The following GOLGA2 variants were observed in gnomAD, a reference collection of about 807,000 sequenced individuals.
GOLGA2 encodes golgin subfamily A member 2.
Under a neutral mutation model 148.8 loss-of-function variants are expected in GOLGA2, and 49 were observed. That is an observed-to-expected ratio of 0.33 (90% CI 0.26 to 0.42). The LOEUF (loss-of-function observed/expected upper bound fraction) is 0.42. GOLGA2 is among the 10% of genes least tolerant of loss of function. The pLI, the probability that GOLGA2 is intolerant of heterozygous loss-of-function variation, is 1.00. For synonymous variants in GOLGA2, 501 were observed against 511.8 expected (o/e 0.98, Z 0.28); for missense variants, 1,178 against 1,304.6 (o/e 0.90, Z 1.49).
intron 3 of GOLGA2, among the ~76,000 whole-genome samples, chr9:128,269,557 G>A (rs1830807442): frequency 6.6e-6 from 1 of 152,134 alleles, no homozygotes; most frequent in African/African-American, 2.4e-5. Flanking sequence ...GCCCCCAACT[G>A]GACCTACCTG....
At chr9:128,264,513 C>T (rs1374296395) in intron 12 of GOLGA2, among the ~76,000 whole-genome samples, 2 of 152,038 alleles carry the variant, frequency 1.3e-5, no homozygotes, top group Admixed American at 6.6e-5. Flanking sequence ...CCGCAACTTC[C>T]GCCCCCGGGT....
rs187213293 is a variant in GOLGA2, at chr9:128,260,498, C to T, written c.1725G>A (p.Gln575=). The T allele has an allele frequency of 6.2e-7, 1 of 1,612,618 alleles. No individual in the cohort carries two copies. The highest frequency in any genetic ancestry group is 8.5e-7 in the Non-Finnish European group (1 of 1,179,198). Reference sequence around the variant, plus strand: ...CAAATCCGCTCTGCAGCTCAGCCAGCTGCTCCTTGAGCTCCCGGTTCTGGG... The same window carrying T: ...CAAATCCGCTCTGCAGCTCAGCCAGTTGCTCCTTGAGCTCCCGGTTCTGGG... The part of the protein sequence containing the change: ...ALSQNRELKE[Q]LAELQSGFVK... The change falls in exon 18 of 27, where the codon CAG becomes CAA. Residue 575 remains glutamine, a synonymous_variant. Coordinates refer to ENST00000611957, the MANE Select transcript of GOLGA2 (RefSeq NM_001366244.2). The surrounding 1 kb of genome is among the most constrained non-coding windows in gnomAD (Gnocchi z 4.8).
Position 128,258,336 on chromosome 9 carries a change from C to A in GOLGA2, c.2289+119G>T, listed in dbSNP as rs1369691226. 8.6e-7 allele frequency: 1 copy of A among 1,164,160 alleles called. No homozygotes were observed. Among genetic ancestry groups the A allele is most frequent in the Non-Finnish European group, 1.3e-6 (1 of 792,238 alleles). 72.1% of individuals were successfully genotyped at this position (1,164,160 alleles called of 1,614,324 possible). A position where few individuals can be genotyped will look rare whatever the true frequency, so the allele number is the denominator to read the frequency against. ...GTGAAATGGTGTCTCACCACTGGCT[C>A]CCAGGAAAGGGGTGAGGGTCCGAAG... On this transcript the variant is annotated intron_variant, in intron 22 of 26. Coordinates refer to ENST00000611957, the MANE Select transcript of GOLGA2 (RefSeq NM_001366244.2). This position sits in a 1 kb window ranked among gnomAD's most constrained non-coding sequence, Gnocchi z 6.6.
In GOLGA2 at chr9:128,268,500, G is replaced by C. The variant is rs151135956; in HGVS notation, c.313C>G (p.Leu105Val). The change falls in exon 4 of 27, where the codon CTA becomes GTA. Residue 105 changes from leucine to valine, a missense_variant. Around this residue, in one of 5 missense-constraint regions of GOLGA2, gnomAD observed 158 missense variants for 156.6 expected, o/e 1.01. Coordinates refer to ENST00000611957, the MANE Select transcript of GOLGA2 (RefSeq NM_001366244.2). ...WKTPKDNAAT[L>V]QPSDDTVLPG... ...AACACGGTGTCATCAGATGGTTGTAGAGTAGCAGCATTGTCCTTGGGTGTC... is the reference window on the plus strand; with the variant it reads ...AACACGGTGTCATCAGATGGTTGTACAGTAGCAGCATTGTCCTTGGGTGTC... 169 of 1,610,116 alleles carry C rather than the reference G, an allele frequency of 1.0e-4. 1 individual carries two copies. The South Asian group carries it at 1.7e-3, about 16-fold the overall frequency.
intron 6 of GOLGA2, 98 bp from the exon 7 acceptor site, chr9:128,267,615 T>A: frequency 1.1e-6 from 1 of 920,604 alleles, no homozygotes; most frequent in Non-Finnish European, 1.8e-6. Context: ...CATTTTCTTT[T>A]CTAACTTGGA....
intron 7 of GOLGA2, 47 bp downstream of exon 7, chr9:128,267,411 G>T (rs1830657902): frequency 1.9e-6 from 3 of 1,549,380 alleles, no homozygotes; most frequent in Middle Eastern, 1.8e-4. Context: ...GAGGAGGTTG[G>T]AGGGCTGGCC....
rs1830627572 is a variant in GOLGA2, at chr9:128,266,957, G to A, written c.642+237C>T. 5 of 594,638 alleles carry A rather than the reference G, an allele frequency of 8.4e-6. No homozygotes were observed. Among genetic ancestry groups the A allele is most frequent in the Non-Finnish European group, 1.5e-5 (5 of 330,888 alleles). The allele number at this position is 594,638 out of a possible 1,614,324, so 36.8% of individuals were successfully genotyped here. A position where few individuals can be genotyped will look rare whatever the true frequency, so the allele number is the denominator to read the frequency against. On this transcript the variant is annotated intron_variant, in intron 8 of 26. Coordinates refer to ENST00000611957, the MANE Select transcript of GOLGA2 (RefSeq NM_001366244.2). This position sits in a 1 kb window ranked among gnomAD's most constrained non-coding sequence, Gnocchi z 4.2. Reference sequence around the variant, plus strand: ...AAGAGGCAACAACCCCAGGGCGTGTGTGGCAAGGACTCGAGCAGGGGTGTC... The same window carrying A: ...AAGAGGCAACAACCCCAGGGCGTGTATGGCAAGGACTCGAGCAGGGGTGTC...
At position 128,265,659 on chromosome 9, in the gene GOLGA2, A is replaced by G. The variant is rs1239033663; in HGVS notation, c.859T>C (p.Tyr287His). 6.2e-7 allele frequency: 1 copy of G among 1,613,878 alleles called. No individual in the cohort carries two copies. Among genetic ancestry groups the G allele is most frequent in the African/African-American group, 1.3e-5 (1 of 75,054 alleles). Reference protein sequence around the residue: ...ESEDLASRLQYSRRRVGELER... With the variant: ...ESEDLASRLQHSRRRVGELER... ...AACTCTCCCACACGCCGCCGGGAATACTGCAGGCGGCTGGCCAGATCTTCA... is the reference window on the plus strand; with the variant it reads ...AACTCTCCCACACGCCGCCGGGAATGCTGCAGGCGGCTGGCCAGATCTTCA... Residue 287 changes from tyrosine to histidine, a missense_variant, in exon 12 of 27, where the codon TAT becomes CAT. Physicochemically the swap from Tyr to His is moderately conservative, Grantham distance 83. Transcript: ENST00000611957.
chr9:128,257,627 G>A lies in GOLGA2; in HGVS notation c.2692C>T (p.Leu898=), dbSNP rs1254661461. ...HREKEEYISR[L]AQDKEEMKVK... is the part of the protein sequence containing the mutation. ...TTCATCTCCTCCTTGTCTTGGGCCA[G>A]CCTGCTGATGTACTCCTCCTTCTCC... Residue 898 remains leucine (L), a synonymous_variant, in exon 25 of 27, where the codon CTG becomes TTG. Coordinates refer to ENST00000611957, the MANE Select transcript of GOLGA2 (RefSeq NM_001366244.2). The surrounding 1 kb of genome is among the most constrained non-coding windows in gnomAD (Gnocchi z 8.0). The A allele has an allele frequency of 6.2e-7, 1 of 1,614,104 alleles. No individual in the cohort carries two copies. Among genetic ancestry groups the A allele is most frequent in the Non-Finnish European group, 8.5e-7 (1 of 1,179,998 alleles).
At chr9:128,263,650 C>T (rs1428633340) in intron 12 of GOLGA2, among the ~76,000 whole-genome samples, 1 of 151,932 alleles carries the variant, frequency 6.6e-6, no homozygotes, top group African/African-American at 2.4e-5. Context: ...GATCTCCTGA[C>T]CTTGTGATCC....
Position 128,258,055 on chromosome 9 carries a change from T to G in GOLGA2, c.2433A>C (p.Pro811=). ...SAQKEPEAAA[P]APGTGGDSVC... ...CAGAATCACCCCCGGTCCCTGGGGC[T>G]GGGGCTGCTGCCTCAGGCTCCTTCT... is the stretch of plus-strand genomic sequence containing the variant. Residue 811 remains proline (P), a synonymous_variant, in exon 23 of 27, where the codon CCA becomes CCC. Coordinates refer to ENST00000611957, the MANE Select transcript of GOLGA2 (RefSeq NM_001366244.2). The surrounding 1 kb of genome is among the most constrained non-coding windows in gnomAD (Gnocchi z 6.6). 1 of 1,611,372 alleles carries G rather than the reference T, an allele frequency of 6.2e-7. No individual in the cohort carries two copies. The highest frequency in any genetic ancestry group is 1.7e-5 in the Admixed American group (1 of 59,960).
At chr9:128,275,519 G>A in intron 1 of GOLGA2, 1 of 1,304,984 alleles carries the variant, frequency 7.7e-7, no homozygotes, top group Non-Finnish European at 9.8e-7. Flanking sequence ...TCTGGAGCGG[G>A]GGGCCCCGGG....
Position 128,258,905 on chromosome 9 carries a change from C to A in GOLGA2, c.2173+102G>T. On this transcript the variant is annotated intron_variant, in intron 21 of 26. Coordinates refer to ENST00000611957, the MANE Select transcript of GOLGA2 (RefSeq NM_001366244.2). The surrounding 1 kb of genome is among the most constrained non-coding windows in gnomAD (Gnocchi z 6.6). ...GTGGACACCCAGTTGGCATAATGAC[C>A]AGCTGTTCTAAAGGTCTCTTCCAAC... 1.2e-6 allele frequency: 1 copy of A among 843,508 alleles called. No homozygotes were observed. The highest frequency in any genetic ancestry group is 2.0e-6 in the Non-Finnish European group (1 of 506,394). 52.3% of individuals were successfully genotyped at this position (843,508 alleles called of 1,614,324 possible).
chr9:128,260,674 T>G lies in GOLGA2; in HGVS notation c.1549A>C (p.Asn517His). The G allele has an allele frequency of 3.1e-6, 5 of 1,613,346 alleles. No homozygotes were observed. The highest frequency in any genetic ancestry group is 2.2e-5 in the South Asian group (2 of 91,076). Reference sequence around the variant, plus strand: ...CGGTTCAGGCGACTCAAGCCCTCATTGTCTTGCACCTGGGCTTGAAGCTGT... The same window carrying G: ...CGGTTCAGGCGACTCAAGCCCTCATGGTCTTGCACCTGGGCTTGAAGCTGT... ...AGQLQAQVQD[N>H]EGLSRLNREQ... The change falls in exon 18 of 27, where the codon AAT becomes CAT. Residue 517 changes from asparagine (N) to histidine (H), a missense_variant. Asn to His is a moderately conservative substitution (Grantham distance 68). This residue lies in a region of GOLGA2 where 529 missense variants were observed against 521.8 expected (regional missense o/e 1.01). Transcript: ENST00000611957. This position sits in a 1 kb window ranked among gnomAD's most constrained non-coding sequence, Gnocchi z 4.8.
Position 128,258,516 on chromosome 9 carries a change from GCCT to G in GOLGA2, c.2225_2227del (p.Glu742del), listed in dbSNP as rs112603354. On this transcript the variant is annotated inframe_deletion, in exon 22 of 27. Coordinates refer to ENST00000611957, the MANE Select transcript of GOLGA2 (RefSeq NM_001366244.2). This position sits in a 1 kb window ranked among gnomAD's most constrained non-coding sequence, Gnocchi z 6.6. The stretch of plus-strand genomic sequence containing the variant: ...TGGCATGGGCTGAGGTACTGCCACC[GCCT>G]CCTCCTCCTCCTCCTCCTCATCCTC... 0.13 allele frequency: 192,448 copies of G among 1,479,324 alleles called. 14,229 individuals are homozygous for G. Among genetic ancestry groups the G allele is most frequent in the African/African-American group, 0.42 (30,455 of 72,272 alleles). The allele number at this position is 1,479,324 out of a possible 1,614,324, so 91.6% of individuals were successfully genotyped here.
rs1830036069 is a variant in GOLGA2 at position 128,258,376 on chromosome 9, G to A, written c.2289+79C>T. 2.9e-6 allele frequency: 4 copies of A among 1,368,474 alleles called. No individual in the cohort carries two copies. Among genetic ancestry groups the A allele is most frequent in the Non-Finnish European group, 4.2e-6 (4 of 963,120 alleles). The allele number at this position is 1,368,474 out of a possible 1,614,324, so 84.8% of individuals were successfully genotyped here. A position where few individuals can be genotyped will look rare whatever the true frequency, so the allele number is the denominator to read the frequency against. ...AGGGTCCGAAGAAATCAGAAGGCCG[G>A]GAAACCAAGAGCAGAAGGGGGTCTG... is the stretch of plus-strand genomic sequence containing the variant. On this transcript the variant is annotated intron_variant, in intron 22 of 26. Transcript: ENST00000611957. This position sits in a 1 kb window ranked among gnomAD's most constrained non-coding sequence, Gnocchi z 6.6.
rs1829968086 is a variant in GOLGA2, at chr9:128,257,616, G to C, written c.2703C>G (p.Asp901Glu). 6.2e-7 allele frequency: 1 copy of C among 1,613,980 alleles called. No individual in the cohort carries two copies. The highest frequency in any genetic ancestry group is 1.3e-5 in the African/African-American group (1 of 74,912). The change falls in exon 25 of 27, where the codon GAC becomes GAG. Residue 901 changes from aspartate to glutamate, a missense_variant. By Grantham distance (45) the Asp-to-Glu change is conservative. Around this residue, in one of 5 missense-constraint regions of GOLGA2, gnomAD observed 38 missense variants for 67.3 expected, o/e 0.56. Coordinates refer to ENST00000611957, the MANE Select transcript of GOLGA2 (RefSeq NM_001366244.2). The surrounding 1 kb of genome is among the most constrained non-coding windows in gnomAD (Gnocchi z 8.0). ...CACACCCTACCTTCATCTCCTCCTT[G>C]TCTTGGGCCAGCCTGCTGATGTACT... is the stretch of plus-strand genomic sequence containing the variant. ...KEEYISRLAQ[D>E]KEEMKVKLLE...
In GOLGA2 at chr9:128,268,409, G is replaced by A. The variant is rs774124007; in HGVS notation, c.393+11C>T. 2.7e-6 allele frequency: 4 copies of A among 1,464,724 alleles called. No individual in the cohort carries two copies. The highest frequency in any genetic ancestry group is 2.3e-5 in the East Asian group (1 of 44,214). 90.7% of individuals were successfully genotyped at this position (1,464,724 alleles called of 1,614,324 possible). ...AGGAGGGCAGTGGGCAGAGGGGGAGGAGGCACGAACCTGAGATGCCGCCAT... is the reference window on the plus strand; with the variant it reads ...AGGAGGGCAGTGGGCAGAGGGGGAGAAGGCACGAACCTGAGATGCCGCCAT... On this transcript the variant is annotated intron_variant, in intron 4 of 26. Coordinates refer to ENST00000611957, the MANE Select transcript of GOLGA2 (RefSeq NM_001366244.2).
At chr9:128,259,515 G>A in intron 19 of GOLGA2, 124 bp from the exon 20 acceptor site, 1 of 632,436 alleles carries the variant, frequency 1.6e-6, no homozygotes. Flanking sequence ...AGGCCTAAGT[G>A]ACTGCCTCCC....
Sources: gnomAD v4.1 joint callset for allele counts (sites outside exome capture counted in the v4.1 genomes callset) on GRCh38, gnomAD v4.1.1 for gene constraint, gnomAD v4.1.1 regional missense constraint, Gnocchi (gnomAD v3.1) non-coding constraint, MANE v1.5 for transcripts, NCBI Gene and HGNC (gene_info 2026-07-23, HGNC 2026-07-21) for gene names.